Variants in CBX1 observed in about 807,000 individuals in gnomAD.
The protein encoded by CBX1 is chromobox protein homolog 1.
CBX1 carries 10 observed loss-of-function variants against 25.1 expected under a neutral mutation model. The observed-to-expected ratio is 0.40, with a 90% confidence interval of 0.25 to 0.68. CBX1 has a LOEUF of 0.68. Ranked by LOEUF, CBX1 falls within the 30% of genes least tolerant of loss-of-function variation. CBX1 has a pLI of 0.40. For synonymous variants in CBX1, 63 were observed against 79.4 expected (o/e 0.79, Z 1.10); for missense variants, 106 against 218.5 (o/e 0.49, Z 3.25).
chr17:48,096,351 A>AC, intron 1 of CBX1: 2 of 985,366 alleles, frequency 2.0e-6, no homozygotes, highest in Non-Finnish European at 2.4e-6. Flanking sequence ...TTGAGAGGCC[A>AC]CAAGAGTCTA....
chr17:48,089,539 C>T (rs1424708737), intron 1 of CBX1, among the ~76,000 whole-genome samples: 1 of 4,796 alleles, frequency 2.1e-4, no homozygotes, highest in Non-Finnish European at 4.1e-4. Flanking sequence ...AATCAGTTCT[C>T]GGGGCCCAGC....
At chr17:48,076,702 T>G (rs2037678001) in intron 2 of CBX1, among the ~76,000 whole-genome samples, 163 bp downstream of exon 2, 1 of 152,216 alleles carries the variant, frequency 6.6e-6, no homozygotes, top group African/African-American at 2.4e-5. Flanking sequence ...GAAGTCATTC[T>G]GCTTTGTATT....
At position 48,079,737 on chromosome 17, in the gene CBX1, C is replaced by T. The variant is rs116782681; in HGVS notation, c.-37-2696G>A. Among the ~76,000 whole-genome samples, 687 of 152,198 alleles carry T rather than the reference C, an allele frequency of 4.5e-3. 7 individuals are homozygous for T. The highest frequency in any genetic ancestry group is 0.016 in the African/African-American group (656 of 41,500). ...TTCAAACTCCCAGGCTCAAGTGATC[C>T]TCCCACCTCAGCCTCCTACTGGGAT... On this transcript the variant is annotated intron_variant, in intron 1 of 4. Transcript: ENST00000225603.
At chr17:48,082,336 A>T (rs1862266489) in intron 1 of CBX1, among the ~76,000 whole-genome samples, 1 of 151,722 alleles carries the variant, frequency 6.6e-6, no homozygotes, top group South Asian at 2.1e-4. Flanking sequence ...CCCCATCTCT[A>T]CTAAAAATAC....
intron 1 of CBX1, among the ~76,000 whole-genome samples, chr17:48,087,536 T>C (rs915832622): frequency 2.6e-5 from 4 of 151,860 alleles, no homozygotes; most frequent in African/African-American, 9.7e-5. Context: ...ATCATGCCAT[T>C]GCACTCCAGC....
At chr17:48,097,850 A>G (rs902531162) in intron 1 of CBX1, among the ~76,000 whole-genome samples, 2 of 152,194 alleles carry the variant, frequency 1.3e-5, no homozygotes, top group African/African-American at 4.8e-5. Flanking sequence ...AAGGCTATTC[A>G]ATTTTTCAAC....
intron 1 of CBX1, among the ~76,000 whole-genome samples, chr17:48,088,492 G>A (rs1222160020): frequency 6.6e-6 from 1 of 151,722 alleles, no homozygotes; most frequent in Non-Finnish European, 1.5e-5. Context: ...GGTGGCGCAT[G>A]CCTGTAATCC....
intron 1 of CBX1, among the ~76,000 whole-genome samples, chr17:48,086,318 T>C (rs1008851545): frequency 6.6e-6 from 1 of 152,174 alleles, no homozygotes; most frequent in Non-Finnish European, 1.5e-5. Context: ...AGGCATTTCA[T>C]TTTGGTTTGA....
At chr17:48,086,835 C>G (rs528645508) in intron 1 of CBX1, among the ~76,000 whole-genome samples, 7 of 151,970 alleles carry the variant, frequency 4.6e-5, no homozygotes, top group Non-Finnish European at 8.8e-5. Flanking sequence ...GCACTCCAGC[C>G]TGGGCTATAG....
chr17:48,078,639 GC>G (rs759964465), intron 1 of CBX1, among the ~76,000 whole-genome samples: 11 of 151,222 alleles, frequency 7.3e-5, no homozygotes, highest in Non-Finnish European at 1.3e-4. Context: ...ACAGGTGCCC[GC>G]CATTACGCCT....
chr17:48,083,826 C>A (rs797014559), intron 1 of CBX1, among the ~76,000 whole-genome samples: 8 of 149,602 alleles, frequency 5.3e-5, no homozygotes, highest in Non-Finnish European at 1.0e-4. Context: ...CTCCATCCCC[C>A]CTCCAAAAAA....
chr17:48,093,321 C>T (rs536507749), intron 1 of CBX1, among the ~76,000 whole-genome samples: 1 of 149,378 alleles, frequency 6.7e-6, no homozygotes, highest in East Asian at 1.9e-4. Context: ...AGACAGGTCT[C>T]GAAAAAAATT....
chr17:48,096,731 G>GTGCACCAC (rs1166515731), intron 1 of CBX1, among the ~76,000 whole-genome samples: 1 of 151,766 alleles, frequency 6.6e-6, no homozygotes, highest in African/African-American at 2.4e-5. Flanking sequence ...GCTGAGTGGA[G>GTGCACCAC]TGCACCACTG....
At chr17:48,087,513 G>A (rs930486555) in intron 1 of CBX1, among the ~76,000 whole-genome samples, 4 of 151,966 alleles carry the variant, frequency 2.6e-5, no homozygotes, top group African/African-American at 7.3e-5. Flanking sequence ...GGCGGAGGTT[G>A]CAGTAAGCCA....
intron 1 of CBX1, among the ~76,000 whole-genome samples, chr17:48,090,769 C>T (rs1458592975): frequency 6.6e-6 from 1 of 152,230 alleles, no homozygotes; most frequent in Non-Finnish European, 1.5e-5. Flanking sequence ...TTCCCTAGAG[C>T]CCCAGACTGG....
chr17:48,083,496 T>C (rs1437801534), intron 1 of CBX1, among the ~76,000 whole-genome samples: 1 of 150,654 alleles, frequency 6.6e-6, no homozygotes, highest in Admixed American at 6.6e-5. Context: ...TCTCTACTTG[T>C]CTTTTTCCTA....
chr17:48,089,994 C>A (rs1229279419), intron 1 of CBX1, among the ~76,000 whole-genome samples: 6 of 150,986 alleles, frequency 4.0e-5, no homozygotes, highest in African/African-American at 1.5e-4. Flanking sequence ...GATCTCGGCT[C>A]ACTGCAACCT....
chr17:48,086,934 A>G (rs1332549290), intron 1 of CBX1, among the ~76,000 whole-genome samples: 1 of 152,202 alleles, frequency 6.6e-6, no homozygotes, highest in Non-Finnish European at 1.5e-5. Context: ...TCACGCCTGT[A>G]ATTCCAGCAC....
At chr17:48,088,495 T>G (rs1047164825) in intron 1 of CBX1, among the ~76,000 whole-genome samples, 7 of 151,748 alleles carry the variant, frequency 4.6e-5, no homozygotes, top group Non-Finnish European at 8.8e-5. Context: ...GGCGCATGCC[T>G]GTAATCCCAG....
Sources: allele counts gnomAD v4.1 joint callset (sites outside exome capture counted in the v4.1 genomes callset), GRCh38; gene constraint gnomAD v4.1.1; transcripts MANE v1.5; gene names NCBI Gene and HGNC (gene_info 2026-07-23, HGNC 2026-07-21).